The following C19orf25 variants were observed in gnomAD, a reference collection of about 807,000 sequenced individuals.
C19orf25 encodes the protein UPF0449 protein C19orf25.
In C19orf25, 1 loss-of-function variant was observed where a neutral mutation model predicts 3.1. That is an observed-to-expected ratio of 0.32 (90% confidence interval 0.12 to 1.54). C19orf25 has a LOEUF of 1.54. Among genes scored for constraint, C19orf25 ranks in the 40% most tolerant of loss-of-function variants. C19orf25 has a pLI of 0.38. For missense variants in C19orf25, 196 were observed against 160.4 expected (o/e 1.22, Z -1.20); for synonymous variants, 91 against 74.3 (o/e 1.23, Z -1.16).
chr19:1,477,290 C>G (rs897274096), intron 2 of C19orf25, among the ~76,000 whole-genome samples: 4 of 152,226 alleles, frequency 2.6e-5, no homozygotes, highest in Admixed American at 1.3e-4. Flanking sequence ...GTGTGAGCCA[C>G]CGCACCTGGC....
chr19:1,477,874 CTG>C (rs756176515), intron 2 of C19orf25, among the ~76,000 whole-genome samples: 1 of 152,200 alleles, frequency 6.6e-6, no homozygotes, highest in Non-Finnish European at 1.5e-5. Context: ...CAGAGTCTCA[CTG>C]TGGTCCAGGC....
chr19:1,478,055 G>C (rs1407681479), intron 2 of C19orf25, among the ~76,000 whole-genome samples: 8 of 152,204 alleles, frequency 5.3e-5, no homozygotes. Flanking sequence ...GGCCAGGCTG[G>C]TGTCCAACCT....
At chr19:1,478,410 C>CTGTTT in intron 2 of C19orf25, 2 of 453,552 alleles carry the variant, frequency 4.4e-6, no homozygotes, top group East Asian at 7.5e-5. Context: ...CCAGCTAACT[C>CTGTTT]TGTTTTGTTT....
At chr19:1,475,635 G>A (rs2084198212) in intron 2 of C19orf25, 1 of 219,696 alleles carries the variant, frequency 4.6e-6, no homozygotes, top group African/African-American at 2.3e-5. Context: ...GCTGCAATAA[G>A]CTATGATCGT....
chr19:1,478,649 C>T (rs1325569748), intron 2 of C19orf25, 125 bp downstream of exon 2: 7 of 1,494,664 alleles, frequency 4.7e-6, no homozygotes, highest in African/African-American at 1.4e-5. Context: ...GGAGAGGATA[C>T]GGACCGTGCC....
Position 1,474,657 on chromosome 19 carries a change from G to A in C19orf25, c.*375C>T. On this transcript the variant is annotated 3_prime_UTR_variant, in exon 3 of 3. Transcript: ENST00000585675. ...GTTAACACCTCGATCCCAACACCTG[G>A]ACTCAGAAGTGGACAGGCGAGTGCC... 1 of 650,870 alleles carries A rather than the reference G, an allele frequency of 1.5e-6. No individual in the cohort carries two copies. Among genetic ancestry groups the A allele is most frequent in the Non-Finnish European group, 2.4e-6 (1 of 408,292 alleles). The allele number at this position is 650,870 out of a possible 1,614,324, so 40.3% of individuals were successfully genotyped here.
At position 1,478,763 on chromosome 19, in the gene C19orf25, G is replaced by A; in HGVS notation, c.130+11C>T. On this transcript the variant is annotated intron_variant, in intron 2 of 2. Transcript: ENST00000585675. ...CAGGTCCGCTTTTCCCCGGGACCGG[G>A]CTCCCCCTACCTTCCGGGGCCAGGA... The A allele has an allele frequency of 1.3e-6, 2 of 1,560,496 alleles. No individual in the cohort carries two copies. Among genetic ancestry groups the A allele is most frequent in the Non-Finnish European group, 1.7e-6 (2 of 1,152,640 alleles).
intron 2 of C19orf25, 118 bp from the exon 3 acceptor site, chr19:1,475,376 G>C (rs1229347621): frequency 7.4e-6 from 8 of 1,074,768 alleles, no homozygotes; most frequent in South Asian, 3.3e-5. Flanking sequence ...TTGCCAGCCG[G>C]GGTCTTCTTA....
Position 1,474,728 on chromosome 19 carries a change from C to A in C19orf25, c.*304G>T. On this transcript the variant is annotated 3_prime_UTR_variant, in exon 3 of 3. Transcript: ENST00000585675. ...GTGGCACCTGCTCCCAGGGGCCCCA[C>A]TGCAGAGCACGGCCACTGTGAGCTG... is the stretch of plus-strand genomic sequence containing the variant. 1 of 1,372,154 alleles carries A rather than the reference C, an allele frequency of 7.3e-7. No homozygotes were observed. Among genetic ancestry groups the A allele is most frequent in the South Asian group, 1.6e-5 (1 of 62,946 alleles). 85.0% of individuals were successfully genotyped at this position (1,372,154 alleles called of 1,614,324 possible).
intron 2 of C19orf25, chr19:1,478,520 C>A: frequency 1.7e-6 from 2 of 1,180,934 alleles, no homozygotes; most frequent in East Asian, 3.2e-5. Flanking sequence ...GCGATCCTCC[C>A]GCCTCATCCT....
rs776332475 is a variant in C19orf25, at chr19:1,478,946, C to A, written c.-2-41G>T. 1.4e-5 allele frequency: 21 copies of A among 1,537,614 alleles called. No individual in the cohort carries two copies. In the Admixed American group the frequency reaches 4.2e-4, roughly 31 times the overall value. On this transcript the variant is annotated intron_variant, in intron 1 of 2. Transcript: ENST00000585675. ...GGGGCGCTGACCGGGGCGTCCACCT[C>A]TCCGCCCTTGCCCGGGCTGCTCCTC...
At position 1,475,222 on chromosome 19, in the gene C19orf25, T is replaced by A. The variant is rs748391721; in HGVS notation, c.167A>T (p.Glu56Val). 1.3e-6 allele frequency: 2 copies of A among 1,560,336 alleles called. No individual in the cohort carries two copies. The highest frequency in any genetic ancestry group is 1.7e-6 in the Non-Finnish European group (2 of 1,153,012). Residue 56 changes from glutamate (E) to valine (V), a missense_variant, in exon 3 of 3, where the codon GAG becomes GTG. Physicochemically the swap from Glu to Val is moderately radical, Grantham distance 121 (BLOSUM62 -2). Coordinates refer to ENST00000585675, the MANE Select transcript of C19orf25 (RefSeq NM_152482.3). ...CTGGTAGAGCTGCTCTCCCGGGGCC[T>A]CCGCATCCTCCATCATCCTGAAGGG... The part of the protein sequence containing the change: ...PVPFRMMEDA[E>V]APGEQLYQQS...
rs1599180428 is a variant in C19orf25 at position 1,478,804 on chromosome 19, C to T, written c.100G>A (p.Asp34Asn). The T allele has an allele frequency of 6.3e-7, 1 of 1,583,858 alleles. No individual in the cohort carries two copies. Among genetic ancestry groups the T allele is most frequent in the Non-Finnish European group, 8.6e-7 (1 of 1,166,106 alleles). ...LEDVRGAPAE[D>N]PVFTILAPED... The stretch of plus-strand genomic sequence containing the variant: ...GGGGCCAGGATGGTGAACACTGGAT[C>T]CTCTGCCGGCGCACCCCGCACATCC... Residue 34 changes from aspartate to asparagine, a missense_variant, in exon 2 of 3, where the codon GAT becomes AAT. Asp to Asn is a conservative substitution (Grantham distance 23). Coordinates refer to ENST00000585675, the MANE Select transcript of C19orf25 (RefSeq NM_152482.3).
chr19:1,478,776 T>G lies in C19orf25; in HGVS notation c.128A>C (p.Glu43Ala). Reference protein sequence around the residue: ...EDPVFTILAPEDPPVPFRMME... With the variant: ...EDPVFTILAPADPPVPFRMME... ...CCCCGGGACCGGGCTCCCCCTACCT[T>G]CCGGGGCCAGGATGGTGAACACTGG... is the stretch of plus-strand genomic sequence containing the variant. Residue 43 changes from glutamate to alanine, a missense_variant and splice_region_variant, in exon 2 of 3, where the codon GAA (glutamate) becomes GCA (alanine). Transcript: ENST00000585675. The G allele has an allele frequency of 1.3e-6, 2 of 1,570,850 alleles. No homozygotes were observed. Among genetic ancestry groups the G allele is most frequent in the South Asian group, 2.3e-5 (2 of 85,676 alleles).
At chr19:1,476,145 C>G (rs1028004873) in intron 2 of C19orf25, 12 of 398,560 alleles carry the variant, frequency 3.0e-5, no homozygotes, top group Non-Finnish European at 5.3e-5. Context: ...CCCAGTGCAG[C>G]AGGGCTGAAG....
chr19:1,476,433 C>T (rs2456163), intron 2 of C19orf25: 24,158 of 396,230 alleles, frequency 0.061, 1,787 homozygotes, highest in African/African-American at 0.24. Flanking sequence ...GGACCTGAGC[C>T]CATGAAGCTC....
Position 1,478,860 on chromosome 19 carries a change from G to A in C19orf25, c.44C>T (p.Pro15Leu). 2 of 1,594,340 alleles carry A rather than the reference G, an allele frequency of 1.3e-6. No homozygotes were observed. The highest frequency in any genetic ancestry group is 1.1e-5 in the South Asian group (1 of 88,296). Residue 15 changes from proline to leucine, a missense_variant, in exon 2 of 3, where the codon CCA (proline) becomes CTA (leucine). Transcript: ENST00000585675. ...AKKRVLLPTRPAPPTVEQILE... is the reference protein window; with the variant it reads ...AKKRVLLPTRLAPPTVEQILE... ...GATCTGCTCCACCGTGGGGGGCGCT[G>A]GGCGGGTGGGCAGCAGCACGCGCTT...
rs2084181841 is a variant in C19orf25, at chr19:1,474,411, C to G, written c.*621G>C. The G allele has an allele frequency of 6.2e-6, 1 of 162,140 alleles. No individual in the cohort carries two copies. Among genetic ancestry groups the G allele is most frequent in the Non-Finnish European group, 1.3e-5 (1 of 75,088 alleles). The allele number at this position is 162,140 out of a possible 1,614,324, so 10.0% of individuals were successfully genotyped here. On this transcript the variant is annotated 3_prime_UTR_variant, in exon 3 of 3. Transcript: ENST00000585675. ...CCAGTGACTCACAGCGGTCCTCCAG[C>G]AAGGGCAGTGGCTGGGAGACACCCG...
At chr19:1,476,413 C>A in intron 2 of C19orf25, 3 of 397,146 alleles carry the variant, frequency 7.6e-6, no homozygotes, top group South Asian at 1.4e-4. Context: ...TCGCCACACT[C>A]AACGGCCATG....
Sources: allele counts gnomAD v4.1 joint callset (sites outside exome capture counted in the v4.1 genomes callset), GRCh38; gene constraint gnomAD v4.1.1; transcripts MANE v1.5; gene names NCBI Gene and HGNC (gene_info 2026-07-23, HGNC 2026-07-21).